CDC37: variants seen among roughly 807,000 people sequenced by gnomAD.
CDC37 encodes hsp90 co-chaperone Cdc37.
Under a neutral mutation model 46.9 loss-of-function variants are expected in CDC37, and 9 were observed. That is an observed-to-expected ratio of 0.19 (90% CI 0.12 to 0.33). The LOEUF is 0.33. CDC37 is among the 10% of genes least tolerant of loss of function. The pLI is 1.00. For missense variants in CDC37, 388 were observed against 514.6 expected (o/e 0.75, Z 2.38); for synonymous variants, 193 against 191.0 (o/e 1.01, Z -0.09).
At position 10,395,033 on chromosome 19, in the gene CDC37, G is replaced by A. The variant is rs2042479507; in HGVS notation, c.714C>T (p.Phe238=). ...VDPRACFRQF[F]TKIKTADRQY... ...TCAGGGACCCTACCTTAATCTTAGT[G>A]AAGAACTGCCGGAAGCAGGCCCGGG... Residue 238 remains phenylalanine, a synonymous_variant, in exon 5 of 8, where the codon TTC becomes TTT. Coordinates refer to ENST00000222005, the MANE Select transcript of CDC37 (RefSeq NM_007065.4). The A allele has an allele frequency of 6.6e-7, 1 of 1,525,120 alleles. No homozygotes were observed. Among genetic ancestry groups the A allele is most frequent in the South Asian group, 1.3e-5 (1 of 76,294 alleles). The allele number at this position is 1,525,120 out of a possible 1,614,324, so 94.5% of individuals were successfully genotyped here. A position where few individuals can be genotyped will look rare whatever the true frequency, so the allele number is the denominator to read the frequency against.
rs1467408712 is a variant in CDC37 at position 10,398,503 on chromosome 19, C to T, written c.103-2300G>A. On this transcript the variant is annotated intron_variant, in intron 1 of 7. Coordinates refer to ENST00000222005, the MANE Select transcript of CDC37 (RefSeq NM_007065.4). This position sits in a 1 kb window ranked among gnomAD's most constrained non-coding sequence, Gnocchi z 4.2. ...AGCCACCATGTACCGGCTGGGTATC[C>T]CGGGCCATCCCCTAACCTCCTGTAA... Among the ~76,000 whole-genome samples the T allele has an allele frequency of 6.6e-6, 1 of 152,234 alleles. No individual in the cohort carries two copies. The highest frequency in any genetic ancestry group is 6.5e-5 in the Admixed American group (1 of 15,286).
chr19:10,395,593 C>T (rs1205838277), intron 2 of CDC37, 50 bp from the exon 3 acceptor site: 1 of 1,449,530 alleles, frequency 6.9e-7, no homozygotes, highest in Admixed American at 1.7e-5. Context: ...TGCGGAGCGC[C>T]TCGAGCGCGG....
intron 7 of CDC37, 62 bp from the exon 8 acceptor site, chr19:10,391,768 T>C: frequency 1.9e-6 from 3 of 1,566,616 alleles, no homozygotes; most frequent in Non-Finnish European, 2.6e-6. Flanking sequence ...GTTGTCCCCG[T>C]TGTCCCTTGC....
intron 1 of CDC37, 114 bp downstream of exon 1, chr19:10,403,264 A>G: frequency 2.6e-6 from 2 of 760,224 alleles, no homozygotes; most frequent in Non-Finnish European, 4.4e-6. Context: ...GAAAATCCAG[A>G]CTGGGGGGGT....
In CDC37 at chr19:10,391,549, G is replaced by A. The variant is rs746142761; in HGVS notation, c.*2C>T. ...GCAGGTGGCGGTGGTAGCTGGGGCA[G>A]GTCACACACTGACATCCTTCTCATC... On this transcript the variant is annotated 3_prime_UTR_variant, in exon 8 of 8. Coordinates refer to ENST00000222005, the MANE Select transcript of CDC37 (RefSeq NM_007065.4). The A allele has an allele frequency of 8.1e-6, 13 of 1,614,164 alleles. No individual in the cohort carries two copies. The highest frequency in any genetic ancestry group is 1.1e-5 in the South Asian group (1 of 91,082).
chr19:10,403,199 G>C (rs2042529272), intron 1 of CDC37, among the ~76,000 whole-genome samples, 179 bp downstream of exon 1: 1 of 152,054 alleles, frequency 6.6e-6, no homozygotes, highest in African/African-American at 2.4e-5. Context: ...GAGATCCAGG[G>C]CAGGGACTCA....
chr19:10,401,063 T>C (rs1440454384), intron 1 of CDC37, among the ~76,000 whole-genome samples: 1 of 152,230 alleles, frequency 6.6e-6, no homozygotes, highest in African/African-American at 2.4e-5. Flanking sequence ...GATTTGAACC[T>C]AGTCAGGCCT....
At position 10,395,146 on chromosome 19, in the gene CDC37, G is replaced by GC; in HGVS notation, c.604-4dup. 6.2e-7 allele frequency: 1 copy of GC among 1,602,668 alleles called. No homozygotes were observed. The highest frequency in any genetic ancestry group is 1.1e-5 in the South Asian group (1 of 90,338). Reference sequence around the variant, plus strand: ...ACCTGCTCCATGAGTGCACATTTCTGCCAGGAAGAACAGGCACAGCGTCAC... The same window carrying GC: ...ACCTGCTCCATGAGTGCACATTTCTGCCCAGGAAGAACAGGCACAGCGTCAC... On this transcript the variant is annotated splice_polypyrimidine_tract_variant and splice_region_variant and intron_variant, in intron 4 of 7. Coordinates refer to ENST00000222005, the MANE Select transcript of CDC37 (RefSeq NM_007065.4).
At chr19:10,397,471 C>T (rs954291323) in intron 1 of CDC37, among the ~76,000 whole-genome samples, 4 of 136,352 alleles carry the variant, frequency 2.9e-5, no homozygotes, top group Non-Finnish European at 3.0e-5. Context: ...AGTGCAGTGG[C>T]GTGATCTTGG....
chr19:10,392,210 C>T (rs961656895), intron 7 of CDC37, among the ~76,000 whole-genome samples: 7 of 152,160 alleles, frequency 4.6e-5, no homozygotes, highest in Non-Finnish European at 8.8e-5. Context: ...TTTCTGGTTC[C>T]GTGAGCCATA....
At chr19:10,394,112 C>CA (rs1027936887) in intron 5 of CDC37, among the ~76,000 whole-genome samples, 1 of 151,658 alleles carries the variant, frequency 6.6e-6, no homozygotes, top group African/African-American at 2.4e-5. Context: ...ACAACAACAA[C>CA]AAAAAAACCC....
At position 10,391,550 on chromosome 19, in the gene CDC37, G is replaced by T. The variant is rs769738679; in HGVS notation, c.*1C>A. ...CAGGTGGCGGTGGTAGCTGGGGCAGGTCACACACTGACATCCTTCTCATCG... is the reference window on the plus strand; with the variant it reads ...CAGGTGGCGGTGGTAGCTGGGGCAGTTCACACACTGACATCCTTCTCATCG... On this transcript the variant is annotated 3_prime_UTR_variant, in exon 8 of 8. Transcript: ENST00000222005. 1.9e-4 allele frequency: 301 copies of T among 1,614,040 alleles called. No homozygotes were observed. The highest frequency in any genetic ancestry group is 2.5e-4 in the Non-Finnish European group (298 of 1,180,008).
At chr19:10,400,090 C>T (rs542221737) in intron 1 of CDC37, among the ~76,000 whole-genome samples, 25 of 152,170 alleles carry the variant, frequency 1.6e-4, no homozygotes, top group South Asian at 6.2e-4. Flanking sequence ...CCAGGGAGGC[C>T]GCAGCTAAAA....
intron 1 of CDC37, among the ~76,000 whole-genome samples, chr19:10,397,617 C>T (rs1911255190): frequency 6.6e-6 from 1 of 151,970 alleles, no homozygotes; most frequent in Non-Finnish European, 1.5e-5. Flanking sequence ...TCCATGTTGG[C>T]TGGTCTTGAA....
Position 10,395,209 on chromosome 19 carries a change from C to A in CDC37, c.603+19G>T, listed in dbSNP as rs372486429. 1 of 1,614,014 alleles carries A rather than the reference C, an allele frequency of 6.2e-7. No individual in the cohort carries two copies. Among genetic ancestry groups the A allele is most frequent in the Admixed American group, 1.7e-5 (1 of 59,998 alleles). Reference sequence around the variant, plus strand: ...TCATGGCAGCGCCTTTTCACAGTCCCGGGGAAAGCTCCACTCACCTCCTCC... The same window carrying A: ...TCATGGCAGCGCCTTTTCACAGTCCAGGGGAAAGCTCCACTCACCTCCTCC... On this transcript the variant is annotated intron_variant, in intron 4 of 7. Coordinates refer to ENST00000222005, the MANE Select transcript of CDC37 (RefSeq NM_007065.4).
At chr19:10,392,752 C>G in intron 7 of CDC37, 1 of 368,910 alleles carries the variant, frequency 2.7e-6, no homozygotes, top group Non-Finnish European at 5.0e-6. Context: ...GTTTACCAGC[C>G]CCTGCCATGT....
chr19:10,398,486 T>C lies in CDC37; in HGVS notation c.103-2283A>G, dbSNP rs1388170227. ...CCTGGGTCCTAGCCCACAGCCACCATGTACCGGCTGGGTATCCCGGGCCAT... is the reference window on the plus strand; with the variant it reads ...CCTGGGTCCTAGCCCACAGCCACCACGTACCGGCTGGGTATCCCGGGCCAT... On this transcript the variant is annotated intron_variant, in intron 1 of 7. Transcript: ENST00000222005. This position sits in a 1 kb window ranked among gnomAD's most constrained non-coding sequence, Gnocchi z 4.2. Among the ~76,000 whole-genome samples, 2 of 152,242 alleles carry C rather than the reference T, an allele frequency of 1.3e-5. No homozygotes were observed. Among genetic ancestry groups the C allele is most frequent in the African/African-American group, 2.4e-5 (1 of 41,468 alleles).
chr19:10,395,926 A>AC lies in CDC37; in HGVS notation c.378+1dup. On this transcript the variant is annotated splice_donor_variant, in intron 2 of 7. Transcript: ENST00000222005. LOFTEE classifies it high-confidence loss of function. ...ACTGCCCGCCCCGCCCGCCCCGCAC[A>AC]CCTTGCTGAAGCCGTCTTTGCTGAG... 4.4e-6 allele frequency: 2 copies of AC among 454,632 alleles called. No individual in the cohort carries two copies. Among genetic ancestry groups the AC allele is most frequent in the Non-Finnish European group, 8.6e-6 (2 of 232,064 alleles). The allele number at this position is 454,632 out of a possible 1,614,324, so 28.2% of individuals were successfully genotyped here.
chr19:10,395,903 T>TAAC, intron 2 of CDC37, 25 bp downstream of exon 2: 1 of 1,573,926 alleles, frequency 6.4e-7, no homozygotes, highest in Admixed American at 1.7e-5. Context: ...GCATGCGCAC[T>TAAC]GCCCGCCCCG....
Sources: gnomAD v4.1 joint callset for allele counts (sites outside exome capture counted in the v4.1 genomes callset) on GRCh38, gnomAD v4.1.1 for gene constraint, Gnocchi (gnomAD v3.1) non-coding constraint, MANE v1.5 for transcripts, NCBI Gene and HGNC (gene_info 2026-07-23, HGNC 2026-07-21) for gene names.